HDGFL3: variants seen among roughly 807,000 people sequenced by gnomAD.
HDGFL3 encodes the protein hepatoma-derived growth factor-related protein 3.
A neutral mutation model predicts 27.6 loss-of-function variants in HDGFL3; 6 were observed. The observed-to-expected ratio is 0.22, with a 90% CI of 0.12 to 0.43. The LOEUF (loss-of-function observed/expected upper bound fraction) is 0.43, where lower values mean the gene tolerates loss of function less well. Ranked by LOEUF, HDGFL3 falls within the 20% of genes least tolerant of loss-of-function variation. HDGFL3 has a pLI of 1.00. For missense variants in HDGFL3, 207 were observed against 250.1 expected (o/e 0.83, Z 1.16); for synonymous variants, 88 against 88.9 (o/e 0.99, Z 0.05).
intron 1 of HDGFL3, among the ~76,000 whole-genome samples, chr15:83,165,311 C>G (rs545486445): frequency 1.3e-5 from 2 of 152,324 alleles, no homozygotes; most frequent in East Asian, 3.9e-4. Context: ...TTGGGCCAGT[C>G]ACTCAACTGC....
chr15:83,206,675 C>T (rs1352838490), intron 1 of HDGFL3, among the ~76,000 whole-genome samples: 1 of 152,204 alleles, frequency 6.6e-6, no homozygotes, highest in African/African-American at 2.4e-5. Flanking sequence ...ACCCACCAGT[C>T]AGAGGTAGGC....
intron 1 of HDGFL3, among the ~76,000 whole-genome samples, chr15:83,192,028 G>C (rs1389700896): frequency 7.2e-6 from 1 of 139,360 alleles, no homozygotes; most frequent in Admixed American, 8.1e-5. Context: ...TGCAACCCCT[G>C]TCTCCCAGGT....
intron 5 of HDGFL3, among the ~76,000 whole-genome samples, chr15:83,148,063 C>T (rs538462626): frequency 6.6e-6 from 1 of 152,274 alleles, no homozygotes; most frequent in Admixed American, 6.5e-5. Context: ...TATAAATTAA[C>T]ACTATAATGA....
At chr15:83,184,250 G>GAT (rs1313540905) in intron 1 of HDGFL3, among the ~76,000 whole-genome samples, 1 of 152,174 alleles carries the variant, frequency 6.6e-6, no homozygotes, top group Non-Finnish European at 1.5e-5. Context: ...ATTCAAGTCT[G>GAT]ATAAATAGGG....
chr15:83,138,159 T>C lies in HDGFL3; in HGVS notation c.*1111A>G, dbSNP rs1596540307. 1 of 152,750 alleles carries C rather than the reference T, an allele frequency of 6.5e-6. No individual in the cohort carries two copies. The highest frequency in any genetic ancestry group is 2.1e-4 in the South Asian group (1 of 4,834). The allele number at this position is 152,750 out of a possible 1,614,324, so 9.5% of individuals were successfully genotyped here. Reference sequence around the variant, plus strand: ...ACACTAACTTAGTTTGCTTACAACCTCAAATCTTACTCCCAGTACACATTC... The same window carrying C: ...ACACTAACTTAGTTTGCTTACAACCCCAAATCTTACTCCCAGTACACATTC... On this transcript the variant is annotated 3_prime_UTR_variant, in exon 6 of 6. Coordinates refer to ENST00000299633, the MANE Select transcript of HDGFL3 (RefSeq NM_016073.4).
chr15:83,125,027 TA>T (rs999207861), downstream of HDGFL3, among the ~76,000 whole-genome samples: 4 of 152,172 alleles, frequency 2.6e-5, no homozygotes, highest in African/African-American at 7.2e-5. Flanking sequence ...TTAGGGCATC[TA>T]AAAAATCAGC....
intron 5 of HDGFL3, among the ~76,000 whole-genome samples, chr15:83,143,990 A>C (rs1242092948): frequency 1.3e-5 from 2 of 152,100 alleles, no homozygotes; most frequent in African/African-American, 4.8e-5. Flanking sequence ...TATTGGAATA[A>C]TTACAAATTT....
chr15:83,187,521 G>T (rs747834624), intron 1 of HDGFL3, among the ~76,000 whole-genome samples: 1 of 152,090 alleles, frequency 6.6e-6, no homozygotes, highest in East Asian at 1.9e-4. Flanking sequence ...ACAGCAATTG[G>T]ATAACCTATA....
At chr15:83,165,440 T>G (rs1490576274) in intron 1 of HDGFL3, among the ~76,000 whole-genome samples, 1 of 152,086 alleles carries the variant, frequency 6.6e-6, no homozygotes, top group East Asian at 1.9e-4. Context: ...TGCCAGGTAG[T>G]TGTTAACTGT....
chr15:83,204,989 A>T (rs533531131), intron 1 of HDGFL3, among the ~76,000 whole-genome samples: 1 of 152,346 alleles, frequency 6.6e-6, no homozygotes, highest in Admixed American at 6.5e-5. Context: ...CCTTCCTACA[A>T]CATGTACTCT....
rs1479310958 is a variant in HDGFL3, at chr15:83,157,975, G to A, written c.228C>T (p.Asn76=). 2.5e-6 allele frequency: 4 copies of A among 1,611,990 alleles called. No homozygotes were observed. The highest frequency in any genetic ancestry group is 3.4e-6 in the Non-Finnish European group (4 of 1,178,630). The change falls in exon 3 of 6, where the codon AAC becomes AAT. Residue 76 remains asparagine (N), a synonymous_variant. Coordinates refer to ENST00000299633, the MANE Select transcript of HDGFL3 (RefSeq NM_016073.4). ...ATCCTTCGTTAAATCCTTTCCGTTTGTTTGACTTTCCAAACTTGTCTTTGT... is the reference window on the plus strand; with the variant it reads ...ATCCTTCGTTAAATCCTTTCCGTTTATTTGACTTTCCAAACTTGTCTTTGT... ...KEYKDKFGKS[N]KRKGFNEGLW... is the part of the protein sequence containing the mutation.
At chr15:83,157,201 T>C in intron 4 of HDGFL3, 1 of 581,066 alleles carries the variant, frequency 1.7e-6, no homozygotes, top group South Asian at 2.2e-5. Context: ...AAGGTGGTAT[T>C]TTCAGGGCCA....
At chr15:83,174,927 TCATA>T (rs548781563) in intron 1 of HDGFL3, among the ~76,000 whole-genome samples, 231 of 152,326 alleles carry the variant, frequency 1.5e-3, no homozygotes, top group African/African-American at 5.2e-3. Flanking sequence ...TCTGTTTGGC[TCATA>T]CAGTGTTTTT....
chr15:83,156,414 G>A (rs1402921560), intron 4 of HDGFL3, among the ~76,000 whole-genome samples: 1 of 152,160 alleles, frequency 6.6e-6, no homozygotes, highest in Non-Finnish European at 1.5e-5. Context: ...TAATTTATGT[G>A]AAGGCAGGAA....
intron 1 of HDGFL3, among the ~76,000 whole-genome samples, chr15:83,195,018 A>AT (rs2037553128): frequency 6.6e-6 from 1 of 152,176 alleles, no homozygotes; most frequent in South Asian, 2.1e-4. Flanking sequence ...GTAAGACTAT[A>AT]TAGTTGTATT....
At chr15:83,169,414 CAAAAAAAAAAAAAAAAAAAA>C (rs58159581) in intron 1 of HDGFL3, among the ~76,000 whole-genome samples, 2 of 35,570 alleles carry the variant, frequency 5.6e-5, no homozygotes, top group Non-Finnish European at 1.1e-4. Context: ...GACTCCGTCT[CAAAAAAAAAAAAAAAAAAAA>C]AAAAAAAAAA....
chr15:83,148,472 A>T (rs1171881568), intron 5 of HDGFL3, among the ~76,000 whole-genome samples: 1 of 152,032 alleles, frequency 6.6e-6, no homozygotes, highest in Admixed American at 6.6e-5. Context: ...ATACAAAAAA[A>T]TTAGCCAGGT....
At chr15:83,148,176 C>T (rs892818606) in intron 5 of HDGFL3, among the ~76,000 whole-genome samples, 13 of 152,176 alleles carry the variant, frequency 8.5e-5, no homozygotes, top group Non-Finnish European at 1.0e-4. Flanking sequence ...CCAACTACTA[C>T]GGAAAATAAT....
At chr15:83,176,198 T>C (rs2037307522) in intron 1 of HDGFL3, among the ~76,000 whole-genome samples, 1 of 152,204 alleles carries the variant, frequency 6.6e-6, no homozygotes, top group African/African-American at 2.4e-5. Flanking sequence ...CCTCAATGTG[T>C]GACTGTACTT....
Sources: gnomAD v4.1 joint callset for allele counts (sites outside exome capture counted in the v4.1 genomes callset) on GRCh38, gnomAD v4.1.1 for gene constraint, MANE v1.5 for transcripts, NCBI Gene and HGNC (gene_info 2026-07-23, HGNC 2026-07-21) for gene names.